The following GDA variants were observed in gnomAD, a reference collection of about 807,000 sequenced individuals.
The protein encoded by GDA is cytoplasmic PSD-95 interactor.
A neutral mutation model predicts 59.6 loss-of-function variants in GDA; 18 were observed. The ratio of observed to expected loss-of-function variants is 0.30; its 90% CI spans 0.21 to 0.45. The LOEUF is 0.45. Ranked by LOEUF, GDA falls within the 20% of genes least tolerant of loss-of-function variation. GDA has a pLI of 1.00. For missense variants in GDA, 427 were observed against 552.3 expected (o/e 0.77, Z 2.27); for synonymous variants, 201 against 201.1 (o/e 1.00, Z 0.00).
chr9:72,137,892 A>G (rs1826299718), intron 1 of GDA, among the ~76,000 whole-genome samples: 1 of 152,166 alleles, frequency 6.6e-6, no homozygotes, highest in Non-Finnish European at 1.5e-5. Context: ...CAGTCAACAG[A>G]GACAGGTTTA....
At chr9:72,226,654 G>A (rs1184821033) in intron 8 of GDA, among the ~76,000 whole-genome samples, 1 of 152,144 alleles carries the variant, frequency 6.6e-6, no homozygotes, top group African/African-American at 2.4e-5. Context: ...TGTGAATGGA[G>A]ATATGAATAT....
At chr9:72,196,702 C>A (rs977618497) in intron 2 of GDA, among the ~76,000 whole-genome samples, 1 of 152,112 alleles carries the variant, frequency 6.6e-6, no homozygotes, top group African/African-American at 2.4e-5. Flanking sequence ...TTTTAAGCCC[C>A]ACATGCATTA....
intron 1 of GDA, among the ~76,000 whole-genome samples, chr9:72,133,734 C>G (rs1826119064): frequency 6.6e-6 from 1 of 152,172 alleles, no homozygotes; most frequent in South Asian, 2.1e-4. Flanking sequence ...AATATTCTCC[C>G]AAACAATGCT....
intron 1 of GDA, among the ~76,000 whole-genome samples, chr9:72,123,425 C>T (rs764320398): frequency 4.0e-5 from 6 of 151,340 alleles, no homozygotes; most frequent in East Asian, 3.9e-4. Context: ...CCTTGTGATC[C>T]GCCTGCCTTG....
chr9:72,139,138 A>G (rs1826353468), intron 1 of GDA, among the ~76,000 whole-genome samples: 1 of 152,182 alleles, frequency 6.6e-6, no homozygotes, highest in African/African-American at 2.4e-5. Flanking sequence ...AAATTTGATG[A>G]ACAGAAATGA....
At chr9:72,125,039 T>C (rs1324557547) in intron 1 of GDA, among the ~76,000 whole-genome samples, 1 of 152,242 alleles carries the variant, frequency 6.6e-6, no homozygotes, top group Non-Finnish European at 1.5e-5. Context: ...GTTTGAATCC[T>C]GGATGATTTG....
intron 1 of GDA, among the ~76,000 whole-genome samples, chr9:72,133,356 A>G (rs1826105907): frequency 1.3e-5 from 2 of 150,054 alleles, no homozygotes; most frequent in Non-Finnish European, 3.0e-5. Context: ...GCAGTCTCTG[A>G]GCTTTATTTT....
intron 1 of GDA, among the ~76,000 whole-genome samples, chr9:72,150,625 A>G (rs180915282): frequency 2.0e-5 from 3 of 152,242 alleles, no homozygotes; most frequent in African/African-American, 7.2e-5. Flanking sequence ...CTGTTTTCCA[A>G]CTACTGGTTT....
At chr9:72,236,612 G>C (rs182668870) in intron 10 of GDA, among the ~76,000 whole-genome samples, 3 of 151,992 alleles carry the variant, frequency 2.0e-5, no homozygotes, top group Non-Finnish European at 4.4e-5. Context: ...AAAATACCCC[G>C]ACGTGTGTTC....
At chr9:72,171,151 A>G (rs1048907661) in intron 1 of GDA, among the ~76,000 whole-genome samples, 1 of 152,080 alleles carries the variant, frequency 6.6e-6, no homozygotes, top group Non-Finnish European at 1.5e-5. Context: ...CTTATAGTTC[A>G]TATATACTTT....
intron 1 of GDA, among the ~76,000 whole-genome samples, chr9:72,189,861 A>C (rs1832321598): frequency 6.6e-6 from 1 of 152,186 alleles, no homozygotes; most frequent in East Asian, 1.9e-4. Context: ...CAAAAAAAAG[A>C]AATGAATATG....
chr9:72,250,029 G>A lies in GDA; in HGVS notation c.*1687G>A, dbSNP rs1840532982. On this transcript the variant is annotated 3_prime_UTR_variant, in exon 14 of 14. Transcript: ENST00000358399. ...CAACAGAGTTTGTTTTGTGAGATAA[G>A]TATCTTAGTAAACCCAATTTCCAGT... is the stretch of plus-strand genomic sequence containing the variant. 1.0e-6 allele frequency: 1 copy of A among 963,698 alleles called. No individual in the cohort carries two copies. Among genetic ancestry groups the A allele is most frequent in the Non-Finnish European group, 1.2e-6 (1 of 810,440 alleles). 59.7% of individuals were successfully genotyped at this position (963,698 alleles called of 1,614,324 possible). A position where few individuals can be genotyped will look rare whatever the true frequency, so the allele number is the denominator to read the frequency against.
chr9:72,231,261 C>A, intron 10 of GDA, 80 bp downstream of exon 10: 1 of 807,166 alleles, frequency 1.2e-6, no homozygotes, highest in Admixed American at 1.9e-5. Flanking sequence ...TTGCAGGTGA[C>A]TGTTCTGTTT....
intron 1 of GDA, among the ~76,000 whole-genome samples, chr9:72,126,944 C>T (rs1321009604): frequency 6.6e-6 from 1 of 151,996 alleles, no homozygotes. Context: ...CTGGTGCCAT[C>T]CTTGAGCAAA....
intron 3 of GDA, among the ~76,000 whole-genome samples, chr9:72,206,940 C>CT (rs1021192832): frequency 0.015 from 2,148 of 146,198 alleles, 59 homozygotes; most frequent in African/African-American, 0.05. Flanking sequence ...AATGGCTTTA[C>CT]TTTTTTTTTT....
intron 3 of GDA, among the ~76,000 whole-genome samples, chr9:72,207,759 T>G (rs1008674003): frequency 6.6e-6 from 1 of 152,240 alleles, no homozygotes; most frequent in Non-Finnish European, 1.5e-5. Context: ...GGTTTCCAAA[T>G]TCTTTTGACT....
intron 10 of GDA, among the ~76,000 whole-genome samples, chr9:72,237,386 A>G (rs1839131569): frequency 6.6e-6 from 1 of 152,208 alleles, no homozygotes; most frequent in Non-Finnish European, 1.5e-5. Flanking sequence ...TCCATTGTCC[A>G]AGTAATCTTA....
At chr9:72,238,194 C>A (rs1029216701) in intron 10 of GDA, among the ~76,000 whole-genome samples, 5 of 152,168 alleles carry the variant, frequency 3.3e-5, no homozygotes, top group Admixed American at 3.3e-4. Context: ...TTATGAATAA[C>A]CTGACTATCC....
chr9:72,126,874 G>C (rs558659572), intron 1 of GDA, among the ~76,000 whole-genome samples: 3 of 152,134 alleles, frequency 2.0e-5, no homozygotes, highest in East Asian at 3.9e-4. Context: ...GCAGAACCTG[G>C]TTAGTTTTTT....
Sources: gnomAD v4.1 joint callset for allele counts (sites outside exome capture counted in the v4.1 genomes callset) on GRCh38, gnomAD v4.1.1 for gene constraint, MANE v1.5 for transcripts, NCBI Gene and HGNC (gene_info 2026-07-23, HGNC 2026-07-21) for gene names.